PPP3CA: variants seen among roughly 807,000 people sequenced by gnomAD.
PPP3CA encodes protein phosphatase 3 catalytic subunit alpha, also known as CAM-PRP catalytic subunit.
A neutral mutation model predicts 66.5 loss-of-function variants in PPP3CA; 14 were observed. The ratio of observed to expected loss-of-function variants is 0.21; its 90% CI spans 0.14 to 0.33. PPP3CA has a LOEUF of 0.33. PPP3CA is among the 10% of genes least tolerant of loss of function. The pLI, the probability that PPP3CA is intolerant of heterozygous loss-of-function variation, is 1.00. For missense variants in PPP3CA, 317 were observed against 639.5 expected (o/e 0.50, Z 5.44); for synonymous variants, 232 against 226.2 (o/e 1.03, Z -0.23).
intron 2 of PPP3CA, among the ~76,000 whole-genome samples, chr4:101,125,910 C>T (rs931139040): frequency 4.6e-5 from 7 of 152,136 alleles, no homozygotes; most frequent in African/African-American, 1.7e-4. Flanking sequence ...AAGTCATCAC[C>T]TCATCACTTT....
intron 2 of PPP3CA, among the ~76,000 whole-genome samples, chr4:101,191,852 C>T (rs1183514594): frequency 6.6e-6 from 1 of 152,180 alleles, no homozygotes; most frequent in Non-Finnish European, 1.5e-5. Flanking sequence ...GCCTGACATG[C>T]TAAATGGCAG....
chr4:101,055,832 T>C (rs749558503), intron 10 of PPP3CA, among the ~76,000 whole-genome samples: 3 of 152,014 alleles, frequency 2.0e-5, no homozygotes, highest in African/African-American at 4.8e-5. Context: ...CTTCATTTCA[T>C]AGAATATTTT....
At chr4:101,041,924 G>C (rs1197753564) in intron 10 of PPP3CA, among the ~76,000 whole-genome samples, 2 of 147,658 alleles carry the variant, frequency 1.4e-5, no homozygotes. Flanking sequence ...CAAGTAATTT[G>C]CTCAGGGACG....
chr4:101,242,303 CA>C (rs1239312115), intron 1 of PPP3CA, among the ~76,000 whole-genome samples: 2 of 151,986 alleles, frequency 1.3e-5, no homozygotes, highest in African/African-American at 2.4e-5. Flanking sequence ...TTTTTTTAAT[CA>C]GTTATTTTTA....
At chr4:101,213,439 A>G (rs1725367382) in intron 1 of PPP3CA, among the ~76,000 whole-genome samples, 2 of 152,290 alleles carry the variant, frequency 1.3e-5, no homozygotes, top group South Asian at 4.1e-4. Context: ...CCAATGATGG[A>G]TAAGTAAATT....
chr4:101,093,092 A>G (rs1730031231), intron 6 of PPP3CA, among the ~76,000 whole-genome samples: 1 of 152,090 alleles, frequency 6.6e-6, no homozygotes, highest in Non-Finnish European at 1.5e-5. Flanking sequence ...AAGCGTTCCT[A>G]TTTCTCCACA....
chr4:101,341,641 T>G (rs1270059171), intron 1 of PPP3CA, among the ~76,000 whole-genome samples: 1 of 152,148 alleles, frequency 6.6e-6, no homozygotes, highest in Non-Finnish European at 1.5e-5. Flanking sequence ...TCCTCACAAG[T>G]TGACAGTGGA....
intron 1 of PPP3CA, among the ~76,000 whole-genome samples, chr4:101,331,639 A>C (rs1578198423): frequency 6.6e-6 from 1 of 152,228 alleles, no homozygotes; most frequent in African/African-American, 2.4e-5. Context: ...GCAGAGGTAA[A>C]GCAAATGAAA....
chr4:101,106,455 GAA>G (rs778496735), intron 3 of PPP3CA, among the ~76,000 whole-genome samples: 1,843 of 11,544 alleles, frequency 0.16, 561 homozygotes, highest in South Asian at 0.41. Flanking sequence ...GAAAGAAAGA[GAA>G]AAGAAAAGAA....
intron 2 of PPP3CA, among the ~76,000 whole-genome samples, chr4:101,152,062 G>C (rs1383330833): frequency 6.6e-6 from 1 of 152,190 alleles, no homozygotes; most frequent in Non-Finnish European, 1.5e-5. Context: ...GCAGATTTGA[G>C]TTGCTACAAA....
chr4:101,071,254 G>A lies in PPP3CA; in HGVS notation c.956-7897C>T, dbSNP rs1225881598. ...AAGCTTGGACTTTGTATCAGGCCTT[G>A]AGCTATAGCTTGCAATGATTCTAGG... On this transcript the variant is annotated intron_variant, in intron 8 of 13. Transcript: ENST00000394854. Among the ~76,000 whole-genome samples the A allele has an allele frequency of 2.0e-5, 3 of 152,186 alleles. No individual in the cohort carries two copies. In the South Asian group the frequency reaches 6.2e-4, roughly 31 times the overall value.
chr4:101,299,265 C>T (rs2110297333), intron 1 of PPP3CA, among the ~76,000 whole-genome samples: 1 of 151,226 alleles, frequency 6.6e-6, no homozygotes, highest in East Asian at 1.9e-4. Flanking sequence ...TTAGAGTGTT[C>T]CAGGCTACAG....
chr4:101,337,072 T>C (rs933745576), intron 1 of PPP3CA, among the ~76,000 whole-genome samples: 3 of 152,218 alleles, frequency 2.0e-5, no homozygotes, highest in Admixed American at 6.5e-5. Flanking sequence ...ATTTTAGGCT[T>C]AGACTATTCT....
chr4:101,207,958 G>A (rs1725185728), intron 1 of PPP3CA, among the ~76,000 whole-genome samples: 1 of 151,944 alleles, frequency 6.6e-6, no homozygotes, highest in Non-Finnish European at 1.5e-5. Flanking sequence ...CATCCAAAAA[G>A]CTTCAGTTCC....
intron 1 of PPP3CA, among the ~76,000 whole-genome samples, chr4:101,220,376 C>T (rs1331200644): frequency 6.6e-6 from 1 of 150,874 alleles, no homozygotes; most frequent in African/African-American, 2.4e-5. Flanking sequence ...TAACCTGTTC[C>T]TTTTTTACCA....
intron 1 of PPP3CA, among the ~76,000 whole-genome samples, chr4:101,238,415 A>G (rs1169686766): frequency 6.6e-6 from 1 of 151,960 alleles, no homozygotes; most frequent in Non-Finnish European, 1.5e-5. Context: ...TTTACAATTA[A>G]TATAAGAATT....
rs1727557148 is a variant in PPP3CA, at chr4:101,278,046, T to C, written c.58+68693A>G. Among the ~76,000 whole-genome samples, 4 of 150,830 alleles carry C rather than the reference T, an allele frequency of 2.7e-5. No individual in the cohort carries two copies. In the South Asian group the frequency reaches 8.3e-4, roughly 31 times the overall value. ...ATTGAATCTAGCATATAAAACTCCA[T>C]TTGCTTTATACGGAGAAAGGGCCAC... On this transcript the variant is annotated intron_variant, in intron 1 of 13. Coordinates refer to ENST00000394854, the MANE Select transcript of PPP3CA (RefSeq NM_000944.5).
chr4:101,153,711 C>T (rs1378721599), intron 2 of PPP3CA, among the ~76,000 whole-genome samples: 1 of 152,116 alleles, frequency 6.6e-6, no homozygotes, highest in Admixed American at 6.6e-5. Context: ...ACAAACAGCT[C>T]CCACAGGTTA....
intron 1 of PPP3CA, among the ~76,000 whole-genome samples, chr4:101,255,747 T>C (rs1439167865): frequency 6.6e-6 from 1 of 151,930 alleles, no homozygotes; most frequent in African/African-American, 2.4e-5. Context: ...TTTTATATCT[T>C]ACACTTCTCT....
Sources: allele counts gnomAD v4.1 joint callset (sites outside exome capture counted in the v4.1 genomes callset), GRCh38; gene constraint gnomAD v4.1.1; transcripts MANE v1.5; gene names NCBI Gene and HGNC (gene_info 2026-07-23, HGNC 2026-07-21).